Variants in ANKHD1 observed in about 807,000 individuals in gnomAD.
ANKHD1 encodes the protein ankyrin repeat and KH domain containing 1, also known as ankyrin repeat and KH domain-containing protein 1.
ANKHD1 carries 31 observed loss-of-function variants against 230.5 expected under a neutral mutation model. The observed-to-expected ratio is 0.13, with a 90% CI of 0.10 to 0.18. The LOEUF (loss-of-function observed/expected upper bound fraction) is 0.18, where lower values mean the gene tolerates loss of function less well. Ranked by LOEUF, ANKHD1 falls within the 10% of genes least tolerant of loss-of-function variation. The probability of loss-of-function intolerance (pLI) is 1.00; values close to 1 mark genes in which losing one functional copy is unlikely to be tolerated. For missense variants in ANKHD1, 2,256 were observed against 3,071.3 expected (o/e 0.73, Z 6.27); for synonymous variants, 1,074 against 1,117.6 (o/e 0.96, Z 0.78).
intron 10 of ANKHD1, among the ~76,000 whole-genome samples, chr5:140,480,760 T>C (rs753208679): frequency 2.0e-5 from 3 of 152,134 alleles, no homozygotes; most frequent in Non-Finnish European, 4.4e-5. Flanking sequence ...AGTTCAGTTA[T>C]GCTTGGTTTC....
intron 17 of ANKHD1, 69 bp from the exon 18 acceptor site, chr5:140,505,655 T>C (rs533366407): frequency 1.1e-4 from 161 of 1,525,180 alleles, no homozygotes; most frequent in Middle Eastern, 7.1e-4. Flanking sequence ...TACTAGAGAA[T>C]TGTAAACAGT....
At chr5:140,441,518 T>C (rs573253412) in intron 5 of ANKHD1, among the ~76,000 whole-genome samples, 3 of 152,256 alleles carry the variant, frequency 2.0e-5, no homozygotes, top group Non-Finnish European at 4.4e-5. Context: ...CCCCACAGTC[T>C]TATGGACATA....
intron 30 of ANKHD1, 35 bp from the exon 31 acceptor site, chr5:140,537,354 A>T: frequency 1.2e-6 from 2 of 1,609,950 alleles, no homozygotes; most frequent in Non-Finnish European, 1.7e-6. Context: ...CTCCTATTCC[A>T]TCTGTTTCTT....
intron 1 of ANKHD1, among the ~76,000 whole-genome samples, chr5:140,410,801 T>C (rs553420854): frequency 1.3e-5 from 2 of 152,190 alleles, no homozygotes; most frequent in African/African-American, 2.4e-5. Context: ...CTAGATACTT[T>C]CGTTATTTTA....
intron 7 of ANKHD1, among the ~76,000 whole-genome samples, chr5:140,457,129 A>G (rs1775256843): frequency 6.6e-6 from 1 of 152,232 alleles, no homozygotes; most frequent in Non-Finnish European, 1.5e-5. Context: ...GCCATCAGAG[A>G]AATGCAAATC....
At chr5:140,427,839 C>T (rs529570441) in intron 1 of ANKHD1, among the ~76,000 whole-genome samples, 11 of 151,478 alleles carry the variant, frequency 7.3e-5, no homozygotes, top group South Asian at 2.1e-4. Flanking sequence ...ACTTCCCAGA[C>T]GGGGTGGCTG....
At chr5:140,447,459 C>T (rs1774379958) in intron 6 of ANKHD1, among the ~76,000 whole-genome samples, 1 of 151,982 alleles carries the variant, frequency 6.6e-6, no homozygotes, top group Admixed American at 6.6e-5. Flanking sequence ...CTTCCTACTT[C>T]AGACTCCCAA....
At chr5:140,437,037 T>C (rs1773500404) in intron 2 of ANKHD1, among the ~76,000 whole-genome samples, 1 of 152,244 alleles carries the variant, frequency 6.6e-6, no homozygotes, top group Non-Finnish European at 1.5e-5. Flanking sequence ...GGTTTACATA[T>C]ACTTCTAGAC....
intron 29 of ANKHD1, among the ~76,000 whole-genome samples, chr5:140,533,332 C>T (rs998228043): frequency 2.2e-4 from 33 of 152,134 alleles, no homozygotes; most frequent in Non-Finnish European, 4.4e-4. Context: ...GGCACGGTGG[C>T]TCACGCCTGT....
At chr5:140,525,850 A>T in intron 25 of ANKHD1, 146 bp from the exon 26 acceptor site, 4 of 1,043,716 alleles carry the variant, frequency 3.8e-6, no homozygotes, top group South Asian at 2.3e-5. Flanking sequence ...AAAAAAAAAA[A>T]GATTTCTTTA....
chr5:140,538,751 G>A (rs1754185792), intron 32 of ANKHD1, among the ~76,000 whole-genome samples, 168 bp from the exon 33 acceptor site: 1 of 152,174 alleles, frequency 6.6e-6, no homozygotes, highest in Admixed American at 6.5e-5. Context: ...CTTTGCAGAT[G>A]CAGATAAACA....
At chr5:140,501,329 C>T (rs1301646184) in intron 15 of ANKHD1, among the ~76,000 whole-genome samples, 2 of 151,936 alleles carry the variant, frequency 1.3e-5, no homozygotes, top group East Asian at 1.9e-4. Context: ...CTGCCCGCCT[C>T]GGCCTCCCAA....
Position 140,477,076 on chromosome 5 carries a change from G to A in ANKHD1, c.1783-5504G>A, listed in dbSNP as rs80194998. ...CAAAATGTAACAAATGCTGTTTGCA[G>A]GAGACAAACCTAAAGCAAAGTGATG... On this transcript the variant is annotated intron_variant, in intron 10 of 33. Transcript: ENST00000360839. 9.1e-3 allele frequency among the ~76,000 whole-genome samples: 1,387 copies of A among 152,244 alleles called. 16 individuals carry two copies. Among genetic ancestry groups the A allele is most frequent in the African/African-American group, 0.032 (1,311 of 41,554 alleles).
chr5:140,504,796 T>C (rs1324618458), intron 15 of ANKHD1, 25 bp from the exon 16 acceptor site: 1 of 1,602,064 alleles, frequency 6.2e-7, no homozygotes, highest in East Asian at 2.2e-5. Flanking sequence ...AAGTGGAATT[T>C]AGCAATATGA....
At chr5:140,525,834 T>TA (rs113364890) in intron 25 of ANKHD1, among the ~76,000 whole-genome samples, 162 bp from the exon 26 acceptor site, 625 of 126,720 alleles carry the variant, frequency 4.9e-3, no homozygotes, top group East Asian at 6.6e-3. Flanking sequence ...AGACTCCATC[T>TA]AAAAAAAAAA....
At chr5:140,513,850 G>A (rs912307772) in intron 24 of ANKHD1, among the ~76,000 whole-genome samples, 1 of 150,810 alleles carries the variant, frequency 6.6e-6, no homozygotes, top group African/African-American at 2.4e-5. Flanking sequence ...GGTGGGCGTG[G>A]TGGCTCACAC....
intron 1 of ANKHD1, among the ~76,000 whole-genome samples, chr5:140,422,737 G>A (rs1489551547): frequency 6.6e-6 from 1 of 151,334 alleles, no homozygotes; most frequent in Non-Finnish European, 1.5e-5. Flanking sequence ...TTGAACCTGG[G>A]AGGTGGAGGT....
At chr5:140,411,909 C>T (rs940282341) in intron 1 of ANKHD1, among the ~76,000 whole-genome samples, 15 of 151,302 alleles carry the variant, frequency 9.9e-5, no homozygotes, top group African/African-American at 1.5e-4. Flanking sequence ...CAGTGGCTCA[C>T]GATCGTATGG....
intron 31 of ANKHD1, 197 bp downstream of exon 31, chr5:140,537,786 A>G (rs1307902089): frequency 6.4e-6 from 6 of 944,236 alleles, no homozygotes; most frequent in Non-Finnish European, 7.3e-6. Flanking sequence ...GGTAATACAT[A>G]GAGTTAATCA....
Sources: gnomAD v4.1 joint callset for allele counts (sites outside exome capture counted in the v4.1 genomes callset) on GRCh38, gnomAD v4.1.1 for gene constraint, MANE v1.5 for transcripts, NCBI Gene and HGNC (gene_info 2026-07-23, HGNC 2026-07-21) for gene names.